The following PCDHGA4 variants were observed in gnomAD, a reference collection of about 807,000 sequenced individuals.
PCDHGA4 encodes the protein protocadherin gamma subfamily A, 4.
Under a neutral mutation model 54.6 loss-of-function variants are expected in PCDHGA4, and 38 were observed. The ratio of observed to expected loss-of-function variants is 0.70; its 90% confidence interval spans 0.54 to 0.91. The LOEUF (loss-of-function observed/expected upper bound fraction) is 0.91. Ranked by LOEUF, PCDHGA4 falls within the 40% of genes least tolerant of loss-of-function variation. PCDHGA4 has a pLI of 0.00. For synonymous variants in PCDHGA4, 511 were observed against 512.9 expected (o/e 1.00, Z 0.05); for missense variants, 1,298 against 1,220.9 (o/e 1.06, Z -0.94).
At chr5:141,366,157 T>C (rs1277783884) in intron 1 of PCDHGA4, 1 of 1,614,080 alleles carries the variant, frequency 6.2e-7, no homozygotes, top group South Asian at 1.1e-5. Flanking sequence ...ACCGCCTGCT[T>C]AAGGCCAGCG....
At chr5:141,359,957 A>G (rs1191685294) in intron 1 of PCDHGA4, 4 of 582,164 alleles carry the variant, frequency 6.9e-6, no homozygotes, top group Non-Finnish European at 1.1e-5. Flanking sequence ...CAAAAGAACG[A>G]AGAGAAGCGT....
chr5:141,415,765 T>G (rs1386091482), intron 1 of PCDHGA4: 1 of 1,364,078 alleles, frequency 7.3e-7, no homozygotes, highest in South Asian at 1.7e-5. Flanking sequence ...TTTTTTTTTT[T>G]TTTTTTTACT....
intron 1 of PCDHGA4, chr5:141,415,314 C>G (rs375384840): frequency 1.9e-6 from 3 of 1,614,238 alleles, no homozygotes; most frequent in South Asian, 1.1e-5. Context: ...CCTTCGTCAT[C>G]GTGCTGCTGG....
In PCDHGA4 at chr5:141,485,792, G is replaced by A. The variant is rs114766079; in HGVS notation, c.2515-9015G>A. The A allele has an allele frequency of 6.2e-7, 1 of 1,614,236 alleles. No homozygotes were observed. Among genetic ancestry groups the A allele is most frequent in the East Asian group, 2.2e-5 (1 of 44,880 alleles). ...GCCTTTGGATCGAGAGAAGCAATCG[G>A]ACTACCGCCTGGTGCTGACTGCTGT... On this transcript the variant is annotated intron_variant, in intron 1 of 3. Coordinates refer to ENST00000571252, the MANE Select transcript of PCDHGA4 (RefSeq NM_018917.4). This position sits in a 1 kb window ranked among gnomAD's most constrained non-coding sequence, Gnocchi z 5.7.
Position 141,431,669 on chromosome 5 carries a change from A to G in PCDHGA4, c.2515-63138A>G, listed in dbSNP as rs2154554523. ...TTGTAATTCAGGGACAATATCAACA[A>G]TAGGGGAGTTGGACCACGAGGAGTC... On this transcript the variant is annotated intron_variant, in intron 1 of 3. Transcript: ENST00000571252. The surrounding 1 kb of genome is among the most constrained non-coding windows in gnomAD (Gnocchi z 4.8). 2 of 1,614,210 alleles carry G rather than the reference A, an allele frequency of 1.2e-6. No individual in the cohort carries two copies. Among genetic ancestry groups the G allele is most frequent in the South Asian group, 1.1e-5 (1 of 91,084 alleles).
At chr5:141,500,947 C>T (rs933082173) in intron 2 of PCDHGA4, among the ~76,000 whole-genome samples, 15 of 151,822 alleles carry the variant, frequency 9.9e-5, no homozygotes, top group African/African-American at 3.6e-4. Context: ...CGGCTCACTG[C>T]AAGCTCCACC....
chr5:141,385,348 C>T, intron 1 of PCDHGA4: 1 of 1,557,574 alleles, frequency 6.4e-7, no homozygotes. Context: ...TCCTTTATTT[C>T]CATGAGGAAT....
chr5:141,430,485 G>T (rs926788879), intron 1 of PCDHGA4: 2 of 252,972 alleles, frequency 7.9e-6, no homozygotes, highest in Non-Finnish European at 7.4e-6. Flanking sequence ...ATATAAAAAC[G>T]AAATATCCTT....
At chr5:141,451,503 A>G (rs1395798374) in intron 1 of PCDHGA4, among the ~76,000 whole-genome samples, 1 of 152,234 alleles carries the variant, frequency 6.6e-6, no homozygotes, top group African/African-American at 2.4e-5. Flanking sequence ...TAGGGCAACC[A>G]GCTTCTGTTA....
chr5:141,433,194 A>G (rs1170543558), intron 1 of PCDHGA4: 18 of 1,585,754 alleles, frequency 1.1e-5, no homozygotes, highest in Non-Finnish European at 1.5e-5. Context: ...GTGAGTTTAT[A>G]TCAAATCTTC....
At chr5:141,438,607 T>C (rs924136790) in intron 1 of PCDHGA4, among the ~76,000 whole-genome samples, 2 of 27,412 alleles carry the variant, frequency 7.3e-5, no homozygotes. Flanking sequence ...TATATATATA[T>C]ATATATATAT....
chr5:141,470,836 C>T lies in PCDHGA4; in HGVS notation c.2515-23971C>T, dbSNP rs577375498. On this transcript the variant is annotated intron_variant, in intron 1 of 3. Transcript: ENST00000571252. ...CTGAGTAGTTAGGACGACAAACACA[C>T]GCCACCATGCTCAGATAAGTTTTTT... 2.6e-5 allele frequency among the ~76,000 whole-genome samples: 4 copies of T among 152,176 alleles called. No homozygotes were observed. The East Asian group carries it at 5.8e-4, about 22-fold the overall frequency.
intron 1 of PCDHGA4, chr5:141,392,856 CT>C: frequency 1.9e-6 from 3 of 1,612,366 alleles, no homozygotes; most frequent in Non-Finnish European, 2.5e-6. Flanking sequence ...CGAGCTGATC[CT>C]GCTGTGCGCG....
rs759945612 is a variant in PCDHGA4 at position 141,409,754 on chromosome 5, C to T, written c.2514+52133C>T. ...GCAGAGCGGGGTGGTGTTCGCGCAG[C>T]GCGCCTTTGATCACGAGCAGCTGCG... On this transcript the variant is annotated intron_variant, in intron 1 of 3. Coordinates refer to ENST00000571252, the MANE Select transcript of PCDHGA4 (RefSeq NM_018917.4). 3 of 1,612,880 alleles carry T rather than the reference C, an allele frequency of 1.9e-6. No individual in the cohort carries two copies. In the Admixed American group the frequency reaches 5.0e-5, roughly 27 times the overall value.
intron 1 of PCDHGA4, chr5:141,361,373 A>T (rs768174278): frequency 1.1e-5 from 18 of 1,613,958 alleles, no homozygotes; most frequent in Non-Finnish European, 1.5e-5. Flanking sequence ...CTGGACCGGG[A>T]GGAGATCCCA....
At chr5:141,444,434 G>A (rs761353277) in intron 1 of PCDHGA4, among the ~76,000 whole-genome samples, 16 of 152,196 alleles carry the variant, frequency 1.1e-4, no homozygotes, top group Admixed American at 7.2e-4. Flanking sequence ...GCCTCCCAAA[G>A]TGCTGGGATT....
chr5:141,487,667 A>G lies in PCDHGA4; in HGVS notation c.2515-7140A>G, dbSNP rs2099657916. ...GCTTGAGGGTTATTCTGATCCAGGC[A>G]TATGGCTAGGCCATGTCCTAGAGAG... On this transcript the variant is annotated intron_variant, in intron 1 of 3. Transcript: ENST00000571252. This position sits in a 1 kb window ranked among gnomAD's most constrained non-coding sequence, Gnocchi z 5.0. 6.2e-7 allele frequency: 1 copy of G among 1,612,782 alleles called. No individual in the cohort carries two copies. The highest frequency in any genetic ancestry group is 1.1e-5 in the South Asian group (1 of 90,692).
chr5:141,446,854 C>T (rs1474444931), intron 1 of PCDHGA4, among the ~76,000 whole-genome samples: 1 of 152,134 alleles, frequency 6.6e-6, no homozygotes, highest in Non-Finnish European at 1.5e-5. Context: ...AATAAGCTTC[C>T]TGATAGCTCT....
intron 1 of PCDHGA4, chr5:141,371,188 T>A (rs1206989931): frequency 6.2e-7 from 1 of 1,614,030 alleles, no homozygotes; most frequent in South Asian, 1.1e-5. Flanking sequence ...TTAAAAGTGA[T>A]GGCCATTGAC....
Sources: gnomAD v4.1 joint callset for allele counts (sites outside exome capture counted in the v4.1 genomes callset) on GRCh38, gnomAD v4.1.1 for gene constraint, Gnocchi (gnomAD v3.1) non-coding constraint, MANE v1.5 for transcripts, NCBI Gene and HGNC (gene_info 2026-07-23, HGNC 2026-07-21) for gene names.